HIVEP1: variants seen among roughly 807,000 people sequenced by gnomAD.
HIVEP1 encodes the protein HIVEP zinc finger 1.
A neutral mutation model predicts 180.0 loss-of-function variants in HIVEP1; 36 were observed. The observed-to-expected ratio is 0.20, with a 90% CI of 0.15 to 0.26. The LOEUF is 0.26. HIVEP1 is among the 10% of genes least tolerant of loss of function. The pLI is 1.00. For missense variants in HIVEP1, 3,143 were observed against 3,268.7 expected (o/e 0.96, Z 0.94); for synonymous variants, 1,239 against 1,239.0 (o/e 1.00, Z 0.00).
intron 2 of HIVEP1, among the ~76,000 whole-genome samples, chr6:12,085,040 T>C (rs1481589559): frequency 6.6e-6 from 1 of 152,140 alleles, no homozygotes. Context: ...TGTGTGTAGG[T>C]GCTTTTTTCT....
chr6:12,120,869 G>T lies in HIVEP1; in HGVS notation c.1074G>T (p.Leu358Phe). The part of the protein sequence containing the change: ...QNQQMDSASP[L>F]SISPANSTQS... ...AGCAAATGGATTCTGCTTCACCTTTGTCAATAAGTCCGGCTAATTCTACAC... is the reference window on the plus strand; with the variant it reads ...AGCAAATGGATTCTGCTTCACCTTTTTCAATAAGTCCGGCTAATTCTACAC... The change falls in exon 4 of 9, where the codon TTG becomes TTT. Residue 358 changes from leucine to phenylalanine, a missense_variant. This residue lies in a region of HIVEP1 where 306 missense variants were observed against 310.6 expected (regional missense o/e 0.99). Transcript: ENST00000379388. 1.2e-6 allele frequency: 2 copies of T among 1,614,138 alleles called. No homozygotes were observed. Among genetic ancestry groups the T allele is most frequent in the Non-Finnish European group, 1.7e-6 (2 of 1,180,026 alleles).
chr6:12,135,877 G>A lies in HIVEP1; in HGVS notation c.6472G>A (p.Asp2158Asn), dbSNP rs372266773. ...GVSVGLIDEQ[D>N]TEESDEKQRF... ...CTCAGTAGGTTTAATAGATGAACAG[G>A]ATACAGAAGAATCAGGTAAGGCTTT... Residue 2158 changes from aspartate to asparagine, a missense_variant, in exon 7 of 9, where the codon GAT (aspartate) becomes AAT (asparagine). By Grantham distance (23) the Asp-to-Asn change is conservative (BLOSUM62 1). Transcript: ENST00000379388. 3 of 1,601,042 alleles carry A rather than the reference G, an allele frequency of 1.9e-6. No individual in the cohort carries two copies. The African/African-American group carries it at 4.0e-5, about 21-fold the overall frequency.
chr6:12,092,898 G>A (rs925494161), intron 3 of HIVEP1, among the ~76,000 whole-genome samples: 2 of 152,180 alleles, frequency 1.3e-5, no homozygotes, highest in Non-Finnish European at 2.9e-5. Context: ...AGCTCGTACA[G>A]GCTGAACTCG....
At chr6:12,094,939 A>G (rs1773700866) in intron 3 of HIVEP1, among the ~76,000 whole-genome samples, 1 of 152,028 alleles carries the variant, frequency 6.6e-6, no homozygotes, top group African/African-American at 2.4e-5. Flanking sequence ...TCCCAAGTGT[A>G]CTTAACAATA....
At chr6:12,132,509 C>T (rs1561985208) in intron 6 of HIVEP1, among the ~76,000 whole-genome samples, 1 of 152,082 alleles carries the variant, frequency 6.6e-6, no homozygotes, top group East Asian at 1.9e-4. Flanking sequence ...TGTGGTAAAC[C>T]AAATGAAACT....
chr6:12,066,902 A>G (rs1271554682), intron 2 of HIVEP1, among the ~76,000 whole-genome samples: 1 of 152,054 alleles, frequency 6.6e-6, no homozygotes, highest in African/African-American at 2.4e-5. Context: ...ATACACACAC[A>G]TACACTTTAT....
chr6:12,168,819 G>A (rs1199282823), downstream of HIVEP1, among the ~76,000 whole-genome samples: 2 of 152,004 alleles, frequency 1.3e-5, no homozygotes, highest in African/African-American at 4.8e-5. Flanking sequence ...GTAGGCTAAT[G>A]TAAGTGAGCA....
At chr6:12,035,308 A>G (rs867645334) in intron 2 of HIVEP1, among the ~76,000 whole-genome samples, 26 of 152,234 alleles carry the variant, frequency 1.7e-4, no homozygotes, top group South Asian at 4.1e-4. Flanking sequence ...GGAAGTGAAG[A>G]GCAGGTGTCA....
intron 4 of HIVEP1, 81 bp downstream of exon 4, chr6:12,125,951 CT>C (rs1199368494): frequency 5.1e-6 from 4 of 786,880 alleles, no homozygotes; most frequent in Non-Finnish European, 8.2e-6. Flanking sequence ...AATATTTTAA[CT>C]GGAAATATTT....
chr6:12,088,584 C>A (rs1372242439), intron 2 of HIVEP1, among the ~76,000 whole-genome samples: 1 of 152,118 alleles, frequency 6.6e-6, no homozygotes, highest in East Asian at 1.9e-4. Context: ...TTACATCTGT[C>A]TGACAAAACT....
intron 7 of HIVEP1, among the ~76,000 whole-genome samples, chr6:12,160,042 C>G (rs1050890641): frequency 1.3e-5 from 2 of 152,158 alleles, no homozygotes; most frequent in African/African-American, 4.8e-5. Context: ...ATGTTTGTCT[C>G]TTTTCAAAAA....
At chr6:12,059,239 T>A (rs758179785) in intron 2 of HIVEP1, among the ~76,000 whole-genome samples, 2 of 152,374 alleles carry the variant, frequency 1.3e-5, no homozygotes, top group Non-Finnish European at 2.9e-5. Context: ...GGTTTTGCCA[T>A]GTTGGCCAGG....
At position 12,123,005 on chromosome 6, in the gene HIVEP1, G is replaced by T; in HGVS notation, c.3210G>T (p.Leu1070Phe). 1.9e-6 allele frequency: 3 copies of T among 1,614,140 alleles called. No individual in the cohort carries two copies. The highest frequency in any genetic ancestry group is 1.3e-5 in the African/African-American group (1 of 75,038). ...FQNALGCNPS[L>F]PKHNVTIRSD... ...ATGCTCTGGGCTGTAATCCCAGTTTGCCTAAACATAATGTTACCATAAGAA... is the reference window on the plus strand; with the variant it reads ...ATGCTCTGGGCTGTAATCCCAGTTTTCCTAAACATAATGTTACCATAAGAA... Residue 1070 changes from leucine to phenylalanine, a missense_variant, in exon 4 of 9, where the codon TTG (leucine) becomes TTT (phenylalanine). Physicochemically the swap from Leu to Phe is conservative, Grantham distance 22. This residue lies in a region of HIVEP1 where 1,357 missense variants were observed against 1,260.5 expected (regional missense o/e 1.08). Coordinates refer to ENST00000379388, the MANE Select transcript of HIVEP1 (RefSeq NM_002114.4).
At chr6:12,205,457 C>A in the HIVEP1 span, among the ~76,000 whole-genome samples, 1 of 150,312 alleles carries the variant, frequency 6.7e-6, no homozygotes. Context: ...GGTGACAGAG[C>A]AAGACTCCAT....
intron 2 of HIVEP1, among the ~76,000 whole-genome samples, chr6:12,061,029 C>A (rs1462917466): frequency 6.6e-6 from 1 of 151,930 alleles, no homozygotes; most frequent in East Asian, 1.9e-4. Context: ...TAGAGCTGCT[C>A]CTAGATGTGA....
intron 7 of HIVEP1, among the ~76,000 whole-genome samples, chr6:12,140,837 C>T (rs577910483): frequency 6.3e-4 from 96 of 152,222 alleles, no homozygotes; most frequent in African/African-American, 2.2e-3. Context: ...TAGAAAGAAA[C>T]GAACAAAGCC....
chr6:12,037,502 C>A (rs1769361544), intron 2 of HIVEP1, among the ~76,000 whole-genome samples: 1 of 152,142 alleles, frequency 6.6e-6, no homozygotes, highest in African/African-American at 2.4e-5. Flanking sequence ...TTCCTTTCTG[C>A]ATTTTATTGC....
chr6:12,196,124 C>A, the HIVEP1 span, among the ~76,000 whole-genome samples: 1 of 152,214 alleles, frequency 6.6e-6, no homozygotes, highest in Admixed American at 6.5e-5. Flanking sequence ...GCAAGGGGCC[C>A]TGTCCTTGAC....
chr6:12,012,967 C>T (rs1315602700), intron 1 of HIVEP1, among the ~76,000 whole-genome samples: 1 of 151,922 alleles, frequency 6.6e-6, no homozygotes, highest in African/African-American at 2.4e-5. Context: ...TAGTTTCTTT[C>T]CGGGTTGGGA....
Sources: allele counts gnomAD v4.1 joint callset (sites outside exome capture counted in the v4.1 genomes callset), GRCh38; gene constraint gnomAD v4.1.1; regional missense constraint gnomAD v4.1.1; transcripts MANE v1.5; gene names NCBI Gene and HGNC (gene_info 2026-07-23, HGNC 2026-07-21).